FRMD4A: variants seen among roughly 807,000 people sequenced by gnomAD.
FRMD4A encodes the protein FERM domain-containing protein 4A.
In FRMD4A, 29 loss-of-function variants were observed where a neutral mutation model predicts 129.1. That is an observed-to-expected ratio of 0.22 (90% CI 0.17 to 0.31). The LOEUF (loss-of-function observed/expected upper bound fraction) is 0.31. Ranked by LOEUF, FRMD4A falls within the 10% of genes least tolerant of loss-of-function variation. The pLI is 1.00. For synonymous variants in FRMD4A, 634 were observed against 571.6 expected (o/e 1.11, Z -1.56); for missense variants, 1,272 against 1,375.8 (o/e 0.92, Z 1.19).
chr10:13,884,500 A>G (rs1461195867), intron 2 of FRMD4A, among the ~76,000 whole-genome samples: 1 of 152,198 alleles, frequency 6.6e-6, no homozygotes, highest in Non-Finnish European at 1.5e-5. Flanking sequence ...TTCAAGATAA[A>G]AGCTTTTTCT....
At chr10:13,909,579 G>C (rs574163232) in intron 2 of FRMD4A, among the ~76,000 whole-genome samples, 1 of 152,284 alleles carries the variant, frequency 6.6e-6, no homozygotes, top group East Asian at 1.9e-4. Context: ...ATGTTCTTAG[G>C]TGCTTATTTA....
At chr10:13,861,368 T>C (rs969181966) in intron 2 of FRMD4A, among the ~76,000 whole-genome samples, 1 of 152,226 alleles carries the variant, frequency 6.6e-6, no homozygotes, top group Non-Finnish European at 1.5e-5. Context: ...AATTATCTTA[T>C]TCCTTCCTCA....
chr10:13,750,529 C>A (rs1163989444), intron 8 of FRMD4A, among the ~76,000 whole-genome samples: 3 of 152,162 alleles, frequency 2.0e-5, no homozygotes, highest in South Asian at 2.1e-4. Flanking sequence ...TAAAGGCACC[C>A]TTGGGCTCTG....
intron 2 of FRMD4A, among the ~76,000 whole-genome samples, chr10:14,306,087 T>G (rs1191035350): frequency 6.6e-6 from 1 of 152,212 alleles, no homozygotes; most frequent in African/African-American, 2.4e-5. Flanking sequence ...CACACATTTA[T>G]ATAACAAATA....
chr10:13,748,346 A>G (rs2091402893), intron 8 of FRMD4A, among the ~76,000 whole-genome samples: 1 of 152,220 alleles, frequency 6.6e-6, no homozygotes, highest in African/African-American at 2.4e-5. Flanking sequence ...AATATGACAA[A>G]TAAATACTGA....
At chr10:14,009,647 G>T (rs1242019191) in intron 2 of FRMD4A, among the ~76,000 whole-genome samples, 1 of 152,240 alleles carries the variant, frequency 6.6e-6, no homozygotes, top group Non-Finnish European at 1.5e-5. Flanking sequence ...CGGCAGCAGC[G>T]CACGGGCTGG....
At chr10:14,189,432 G>A (rs1215394114) in intron 2 of FRMD4A, among the ~76,000 whole-genome samples, 2 of 152,114 alleles carry the variant, frequency 1.3e-5, no homozygotes, top group Non-Finnish European at 2.9e-5. Context: ...AAAATAGTCA[G>A]GTGTGGTGGC....
At chr10:13,768,976 C>T (rs896999083) in intron 6 of FRMD4A, among the ~76,000 whole-genome samples, 2 of 145,294 alleles carry the variant, frequency 1.4e-5, no homozygotes, top group Admixed American at 1.4e-4. Context: ...TTATAGGAAA[C>T]TTTACTAGAT....
At chr10:13,906,798 C>G (rs956880586) in intron 2 of FRMD4A, among the ~76,000 whole-genome samples, 9 of 152,118 alleles carry the variant, frequency 5.9e-5, no homozygotes, top group African/African-American at 1.7e-4. Flanking sequence ...TGCTCCTTGC[C>G]GAGATGTTCG....
chr10:14,095,085 A>G lies in FRMD4A; in HGVS notation c.45+234973T>C, dbSNP rs77034540. Among the ~76,000 whole-genome samples the G allele has an allele frequency of 9.8e-3, 1,493 of 152,226 alleles. 28 individuals carry two copies. The highest frequency in any genetic ancestry group is 0.034 in the African/African-American group (1,420 of 41,524). On this transcript the variant is annotated intron_variant, in intron 2 of 24. Coordinates refer to ENST00000357447, the MANE Select transcript of FRMD4A (RefSeq NM_018027.5). ...ACTGAAGATTTTGAGTCTCTTATTG[A>G]TGTGAATTGACTCTGAAGGGTGAGT...
intron 4 of FRMD4A, among the ~76,000 whole-genome samples, chr10:13,803,500 T>C (rs1165190496): frequency 7.8e-6 from 1 of 127,842 alleles, no homozygotes; most frequent in Non-Finnish European, 1.8e-5. Flanking sequence ...CCTGGCTAAT[T>C]AAACAAATTT....
chr10:14,249,068 C>A (rs984432826), intron 2 of FRMD4A, among the ~76,000 whole-genome samples: 1 of 152,022 alleles, frequency 6.6e-6, no homozygotes, highest in Non-Finnish European at 1.5e-5. Context: ...TTAAAATAAC[C>A]GGCCGGATGC....
intron 2 of FRMD4A, among the ~76,000 whole-genome samples, chr10:14,073,689 C>T (rs532963397): frequency 3.3e-4 from 50 of 152,194 alleles, no homozygotes; most frequent in Admixed American, 3.3e-3. Flanking sequence ...ATGAATGTGT[C>T]GTGTTCATGG....
At chr10:13,969,103 G>A (rs1000425371) in intron 2 of FRMD4A, among the ~76,000 whole-genome samples, 3 of 152,216 alleles carry the variant, frequency 2.0e-5, no homozygotes, top group East Asian at 1.9e-4. Context: ...ACCCCAGCCT[G>A]GTCTTGCTCT....
At chr10:13,755,166 G>T (rs538504963) in intron 8 of FRMD4A, among the ~76,000 whole-genome samples, 22 of 152,114 alleles carry the variant, frequency 1.4e-4, no homozygotes, top group African/African-American at 5.3e-4. Flanking sequence ...CTCAAAAAAA[G>T]TCTTTTAGAA....
intron 5 of FRMD4A, among the ~76,000 whole-genome samples, chr10:13,792,694 A>C (rs1350105855): frequency 1.3e-5 from 2 of 152,138 alleles, no homozygotes; most frequent in Admixed American, 1.3e-4. Flanking sequence ...TCCAGTCTTT[A>C]TCCTTTTTGG....
chr10:13,750,922 G>A (rs530316763), intron 8 of FRMD4A, among the ~76,000 whole-genome samples: 2 of 152,248 alleles, frequency 1.3e-5, no homozygotes, highest in Non-Finnish European at 2.9e-5. Flanking sequence ...ACACTCGAGG[G>A]CCCACACTGA....
At chr10:14,145,002 G>A (rs2131846880) in intron 2 of FRMD4A, among the ~76,000 whole-genome samples, 1 of 152,298 alleles carries the variant, frequency 6.6e-6, no homozygotes, top group African/African-American at 2.4e-5. Context: ...ACTGTGGGTG[G>A]TTGATTAGAT....
chr10:14,005,030 C>T (rs908859792), intron 2 of FRMD4A, among the ~76,000 whole-genome samples: 1 of 148,078 alleles, frequency 6.8e-6, no homozygotes, highest in African/African-American at 2.5e-5. Context: ...TTCTTTCTTT[C>T]TTTTTTTTTT....
Sources: allele counts gnomAD v4.1 joint callset (sites outside exome capture counted in the v4.1 genomes callset), GRCh38; gene constraint gnomAD v4.1.1; transcripts MANE v1.5; gene names NCBI Gene and HGNC (gene_info 2026-07-23, HGNC 2026-07-21).